Variants in PALLD observed in about 807,000 individuals in gnomAD.
The protein encoded by PALLD is palladin, cytoskeletal associated protein.
A neutral mutation model predicts 123.5 loss-of-function variants in PALLD; 61 were observed. That is an observed-to-expected ratio of 0.49 (90% confidence interval 0.40 to 0.61). The LOEUF is 0.61. PALLD is among the 20% of genes least tolerant of loss of function. The pLI, the probability that PALLD is intolerant of heterozygous loss-of-function variation, is 0.00. For missense variants in PALLD, 1,273 were observed against 1,377.0 expected, an observed-to-expected ratio of 0.92 and a Z score of 1.20; for synonymous variants, 465 against 496.4, an observed-to-expected ratio of 0.94 and a Z score of 0.84.
At chr4:168,548,817 C>A (rs548211138) in intron 2 of PALLD, among the ~76,000 whole-genome samples, 4 of 152,064 alleles carry the variant, frequency 2.6e-5, no homozygotes, top group Non-Finnish European at 5.9e-5. Flanking sequence ...TTGAAATTAA[C>A]GATTTAAATA....
chr4:168,832,118 GCT>G, intron 10 of PALLD: 1 of 985,444 alleles, frequency 1.0e-6, no homozygotes. Context: ...TGCAGCTCCC[GCT>G]CGCTCCGGAC....
chr4:168,905,785 T>C (rs1315176111), intron 15 of PALLD, among the ~76,000 whole-genome samples: 2 of 107,678 alleles, frequency 1.9e-5, no homozygotes, highest in Non-Finnish European at 3.8e-5. Context: ...AACTTGCTTT[T>C]TTTTCTTTTT....
intron 6 of PALLD, among the ~76,000 whole-genome samples, chr4:168,689,608 C>T (rs113536441): frequency 0.021 from 3,196 of 151,440 alleles, 102 homozygotes; most frequent in African/African-American, 0.073. Context: ...CCACCACGAC[C>T]GGCTAATTTT....
intron 10 of PALLD, among the ~76,000 whole-genome samples, chr4:168,769,223 A>G (rs1032032187): frequency 1.3e-5 from 2 of 152,202 alleles, no homozygotes; most frequent in Non-Finnish European, 2.9e-5. Context: ...TGGCTTCTAT[A>G]AATCAGATTT....
chr4:168,815,755 C>A (rs1741809172), intron 10 of PALLD, among the ~76,000 whole-genome samples: 4 of 152,166 alleles, frequency 2.6e-5, no homozygotes, highest in Admixed American at 2.6e-4. Flanking sequence ...AGGTACAGAC[C>A]ATTTTCGGTG....
In PALLD at chr4:168,914,094, C is replaced by G. The variant is rs1759614995; in HGVS notation, c.2717+73C>G. ...ACTATAAATGTAGTACTATTAGAAT[C>G]ATCATATGACCACAAAAGTAAACAT... On this transcript the variant is annotated intron_variant, in intron 16 of 21. Transcript: ENST00000505667. 3.3e-6 allele frequency: 3 copies of G among 912,278 alleles called. No homozygotes were observed. The Admixed American group carries it at 5.5e-5, about 17-fold the overall frequency. 56.5% of individuals were successfully genotyped at this position (912,278 alleles called of 1,614,324 possible).
At chr4:168,671,766 T>A (rs1780307163) in intron 3 of PALLD, among the ~76,000 whole-genome samples, 2 of 152,224 alleles carry the variant, frequency 1.3e-5, no homozygotes. Context: ...ATTCTAGCAC[T>A]AAATTAGACT....
intron 1 of PALLD, among the ~76,000 whole-genome samples, chr4:168,499,203 AAAAG>A (rs1158930343): frequency 7.9e-6 from 1 of 125,932 alleles, no homozygotes; most frequent in African/African-American, 3.0e-5. Flanking sequence ...AAAAAAAAAA[AAAAG>A]GAAGGAAGAA....
At chr4:168,831,823 C>T (rs918573870) in intron 10 of PALLD, among the ~76,000 whole-genome samples, 1 of 152,222 alleles carries the variant, frequency 6.6e-6, no homozygotes, top group African/African-American at 2.4e-5. Flanking sequence ...TAGCACTTCT[C>T]GATCGTTCCA....
intron 10 of PALLD, among the ~76,000 whole-genome samples, chr4:168,868,723 C>T (rs1380846722): frequency 6.6e-6 from 1 of 152,206 alleles, no homozygotes; most frequent in Non-Finnish European, 1.5e-5. Context: ...TGACTTGCTA[C>T]ACTACACAAT....
intron 10 of PALLD, chr4:168,863,723 A>T (rs1749847709): frequency 6.6e-6 from 1 of 152,216 alleles, no homozygotes. Context: ...AATTCTATAG[A>T]TCTTTTATTT....
intron 2 of PALLD, among the ~76,000 whole-genome samples, chr4:168,604,653 A>G (rs534587491): frequency 5.1e-4 from 78 of 152,366 alleles, no homozygotes; most frequent in African/African-American, 1.8e-3. Context: ...ATTTAATAGC[A>G]AGAAAGTTAC....
At chr4:168,502,629 G>A (rs1385407549) in intron 1 of PALLD, among the ~76,000 whole-genome samples, 4 of 152,210 alleles carry the variant, frequency 2.6e-5, no homozygotes, top group Non-Finnish European at 4.4e-5. Flanking sequence ...GCTGCACTCA[G>A]TGGCTCACAT....
chr4:168,525,259 T>A (rs1451089624), intron 2 of PALLD, among the ~76,000 whole-genome samples: 1 of 152,236 alleles, frequency 6.6e-6, no homozygotes, highest in African/African-American at 2.4e-5. Context: ...TTCTGCAAGA[T>A]CATTTTTTAC....
rs189132819 is a variant in PALLD, at chr4:168,691,487, C to T, written c.1501+195C>T. Among the ~76,000 whole-genome samples, 563 of 152,214 alleles carry T rather than the reference C, an allele frequency of 3.7e-3. 3 individuals carry two copies. Among genetic ancestry groups the T allele is most frequent in the Non-Finnish European group, 6.7e-3 (455 of 68,018 alleles). ...GTCTGTACACTGCATTTTACATCAA[C>T]GTCTTTATTAGCAAAACATTAAGTT... is the stretch of plus-strand genomic sequence containing the variant. On this transcript the variant is annotated intron_variant, in intron 8 of 21. Coordinates refer to ENST00000505667, the MANE Select transcript of PALLD (RefSeq NM_001166108.2).
intron 2 of PALLD, among the ~76,000 whole-genome samples, chr4:168,661,501 A>C (rs1779132823): frequency 6.6e-6 from 1 of 152,246 alleles, no homozygotes; most frequent in Admixed American, 6.5e-5. Context: ...AGTACAAGGT[A>C]ATTTTCATAC....
chr4:168,877,718 C>G (rs1288082184), intron 10 of PALLD: 3 of 1,137,194 alleles, frequency 2.6e-6, no homozygotes, highest in African/African-American at 1.6e-5. Context: ...TCTTTTTCCC[C>G]CCAGGGACCC....
At chr4:168,650,533 A>C (rs1187067870) in intron 2 of PALLD, among the ~76,000 whole-genome samples, 1 of 152,238 alleles carries the variant, frequency 6.6e-6, no homozygotes, top group Non-Finnish European at 1.5e-5. Flanking sequence ...TGAAATGAAC[A>C]TTCTTGTCTT....
At chr4:168,759,975 ACCCAGGGG>A (rs775441801) in intron 10 of PALLD, among the ~76,000 whole-genome samples, 26 of 151,584 alleles carry the variant, frequency 1.7e-4, no homozygotes, top group Non-Finnish European at 3.5e-4. Context: ...AATTGCTGGA[ACCCAGGGG>A]GCAGAGGTTG....
Sources: allele counts gnomAD v4.1 joint callset (sites outside exome capture counted in the v4.1 genomes callset), GRCh38; gene constraint gnomAD v4.1.1; transcripts MANE v1.5; gene names NCBI Gene and HGNC (gene_info 2026-07-23, HGNC 2026-07-21).